Variants in SGPP2 observed in about 807,000 individuals in gnomAD.
The protein encoded by SGPP2 is sphingosine 1-phosphate phosphohydrolase 2.
A neutral mutation model predicts 33.9 loss-of-function variants in SGPP2; 30 were observed. That is an observed-to-expected ratio of 0.89 (90% CI 0.66 to 1.20). The LOEUF (loss-of-function observed/expected upper bound fraction) is 1.20, where lower values mean the gene tolerates loss of function less well. Among genes scored for constraint, SGPP2 ranks in the 50% most tolerant of loss-of-function variants. The pLI is 0.00. For synonymous variants in SGPP2, 233 were observed against 225.0 expected (o/e 1.04, Z -0.32); for missense variants, 458 against 532.1 (o/e 0.86, Z 1.37).
intron 1 of SGPP2, chr2:222,452,817 T>C: frequency 1.2e-6 from 2 of 1,603,032 alleles, no homozygotes; most frequent in East Asian, 2.2e-5. Flanking sequence ...AGTCACACCA[T>C]TGCTATTCTG....
At chr2:222,514,769 G>A (rs1698579352) in intron 2 of SGPP2, among the ~76,000 whole-genome samples, 1 of 152,154 alleles carries the variant, frequency 6.6e-6, no homozygotes, top group Non-Finnish European at 1.5e-5. Flanking sequence ...AAGGCATGTT[G>A]CATCCCTGGC....
intron 4 of SGPP2, among the ~76,000 whole-genome samples, chr2:222,540,001 T>C (rs1473186343): frequency 6.6e-6 from 1 of 152,200 alleles, no homozygotes; most frequent in Admixed American, 6.5e-5. Flanking sequence ...AATTTCCTGA[T>C]GTTTGTTTAT....
intron 3 of SGPP2, among the ~76,000 whole-genome samples, chr2:222,524,276 A>G (rs768137174): frequency 6.6e-6 from 1 of 152,224 alleles, no homozygotes; most frequent in Non-Finnish European, 1.5e-5. Flanking sequence ...TCTTCTTACT[A>G]CAGTATACCA....
intron 2 of SGPP2, among the ~76,000 whole-genome samples, chr2:222,481,324 T>G (rs556747007): frequency 6.6e-5 from 10 of 152,372 alleles, no homozygotes; most frequent in African/African-American, 2.2e-4. Context: ...GAAAACATTT[T>G]TCATACTTTT....
At chr2:222,431,042 A>C (rs1697145095) in intron 1 of SGPP2, among the ~76,000 whole-genome samples, 2 of 152,226 alleles carry the variant, frequency 1.3e-5, no homozygotes, top group South Asian at 4.1e-4. Context: ...TCAGTTAATA[A>C]TAATGTATCA....
At chr2:222,478,704 A>G (rs1697987183) in intron 2 of SGPP2, among the ~76,000 whole-genome samples, 2 of 152,324 alleles carry the variant, frequency 1.3e-5, no homozygotes, top group South Asian at 4.1e-4. Flanking sequence ...TTGTCACTGG[A>G]TGAAGCCCCT....
intron 2 of SGPP2, among the ~76,000 whole-genome samples, chr2:222,495,691 A>T (rs542539642): frequency 9.2e-5 from 14 of 152,274 alleles, no homozygotes; most frequent in African/African-American, 3.1e-4. Context: ...AGACCCACAG[A>T]TGCCTCCCTT....
chr2:222,545,239 A>T (rs1429113771), intron 4 of SGPP2, among the ~76,000 whole-genome samples: 2 of 150,490 alleles, frequency 1.3e-5, no homozygotes, highest in Non-Finnish European at 2.9e-5. Flanking sequence ...CTTAATGTAA[A>T]CTTTGGCAAT....
At position 222,559,299 on chromosome 2, in the gene SGPP2, G is replaced by A. The variant is rs1352085286; in HGVS notation, c.*401G>A. ...GGGTTCTGGAGAGCCAGTAGAGATG[G>A]GGTGATCTGGGAGGCTGGAGGTAGA... On this transcript the variant is annotated 3_prime_UTR_variant, in exon 5 of 5. Transcript: ENST00000321276. 1 of 181,488 alleles carries A rather than the reference G, an allele frequency of 5.5e-6. No homozygotes were observed. Among genetic ancestry groups the A allele is most frequent in the Non-Finnish European group, 1.2e-5 (1 of 84,766 alleles). The allele number at this position is 181,488 out of a possible 1,614,324, so 11.2% of individuals were successfully genotyped here. A position where few individuals can be genotyped will look rare whatever the true frequency, so the allele number is the denominator to read the frequency against.
rs184594751 is a variant in SGPP2 at position 222,550,765 on chromosome 2, G to T, written c.649-7582G>T. Among the ~76,000 whole-genome samples the T allele has an allele frequency of 7.2e-5, 11 of 152,212 alleles. No individual in the cohort carries two copies. In the East Asian group the frequency reaches 1.9e-3, roughly 27 times the overall value. ...TTATGATGTATGTTCCATACTTTCT[G>T]CATTTTTGCTTGTTTCTGATGTTTC... On this transcript the variant is annotated intron_variant, in intron 4 of 4. Coordinates refer to ENST00000321276, the MANE Select transcript of SGPP2 (RefSeq NM_152386.4). The surrounding 1 kb of genome is among the most constrained non-coding windows in gnomAD (Gnocchi z 4.5).
Position 222,477,655 on chromosome 2 carries a change from G to A in SGPP2, c.378+2929G>A, listed in dbSNP as rs1211544466. Among the ~76,000 whole-genome samples the A allele has an allele frequency of 6.6e-6, 1 of 151,916 alleles. No homozygotes were observed. The highest frequency in any genetic ancestry group is 1.5e-5 in the Non-Finnish European group (1 of 67,942). ...ATAATTGTTGAGTGGGGCAGATGAT[G>A]AGAAGTACATTACACAGGAATATCT... On this transcript the variant is annotated intron_variant, in intron 2 of 4. Transcript: ENST00000321276. The surrounding 1 kb of genome is among the most constrained non-coding windows in gnomAD (Gnocchi z 6.0).
chr2:222,551,650 C>T (rs760933347), intron 4 of SGPP2, among the ~76,000 whole-genome samples: 2 of 152,162 alleles, frequency 1.3e-5, no homozygotes, highest in Non-Finnish European at 2.9e-5. Flanking sequence ...GAAAATCTCA[C>T]CGACAGCCAT....
intron 2 of SGPP2, among the ~76,000 whole-genome samples, chr2:222,499,649 GGGGGAAAGACAGTCTTTCT>G (rs1268687508): frequency 1.3e-5 from 2 of 152,134 alleles, no homozygotes; most frequent in Non-Finnish European, 2.9e-5. Context: ...TTGGGGCATT[GGGGGAAAGACAGTCTTTCT>G]GAGGAAAGAC....
chr2:222,503,123 G>GATAA (rs1698391719), intron 2 of SGPP2, among the ~76,000 whole-genome samples: 1 of 152,124 alleles, frequency 6.6e-6, no homozygotes, highest in Non-Finnish European at 1.5e-5. Context: ...AGGAAATACT[G>GATAA]AAACTGTATG....
rs1574842041 is a variant in SGPP2 at position 222,460,381 on chromosome 2, T to A, written c.220-14187T>A. Among the ~76,000 whole-genome samples, 1 of 152,288 alleles carries A rather than the reference T, an allele frequency of 6.6e-6. No individual in the cohort carries two copies. Among genetic ancestry groups the A allele is most frequent in the African/African-American group, 2.4e-5 (1 of 41,576 alleles). ...TCCAGTGGGGCTGCTGGGCTGTGGA[T>A]GGCAGAGGCTGGGTTGTGTATAAAA... On this transcript the variant is annotated intron_variant, in intron 1 of 4. Coordinates refer to ENST00000321276, the MANE Select transcript of SGPP2 (RefSeq NM_152386.4). The surrounding 1 kb of genome is among the most constrained non-coding windows in gnomAD (Gnocchi z 4.3).
At chr2:222,442,160 AT>A (rs1447805424) in intron 1 of SGPP2, among the ~76,000 whole-genome samples, 1 of 152,210 alleles carries the variant, frequency 6.6e-6, no homozygotes, top group Non-Finnish European at 1.5e-5. Context: ...ATCTTAAGAG[AT>A]ACAGATGTTG....
chr2:222,453,882 T>C (rs1174419410), intron 1 of SGPP2, among the ~76,000 whole-genome samples: 1 of 152,150 alleles, frequency 6.6e-6, no homozygotes, highest in Non-Finnish European at 1.5e-5. Flanking sequence ...GTATTTTATG[T>C]TATATAGTTG....
At chr2:222,553,674 G>C (rs562474388) in intron 4 of SGPP2, among the ~76,000 whole-genome samples, 9 of 152,338 alleles carry the variant, frequency 5.9e-5, no homozygotes, top group African/African-American at 2.2e-4. Flanking sequence ...AGGAAGAAAG[G>C]ATTCGTCCTT....
chr2:222,543,867 C>T lies in SGPP2; in HGVS notation c.649-14480C>T, dbSNP rs546441229. Among the ~76,000 whole-genome samples, 81 of 152,252 alleles carry T rather than the reference C, an allele frequency of 5.3e-4. No homozygotes were observed. The South Asian group carries it at 0.017, about 31-fold the overall frequency. On this transcript the variant is annotated intron_variant, in intron 4 of 4. Transcript: ENST00000321276. ...TTTTCGAATCGGCTTTTCATTTTCT[C>T]CAATGCTGGACTTTTTCTTGGGATT...
Sources: allele counts gnomAD v4.1 joint callset (sites outside exome capture counted in the v4.1 genomes callset), GRCh38; gene constraint gnomAD v4.1.1; non-coding constraint Gnocchi (gnomAD v3.1); transcripts MANE v1.5; gene names NCBI Gene and HGNC (gene_info 2026-07-23, HGNC 2026-07-21).